Variants in SEMA3D observed in about 807,000 individuals in gnomAD.
SEMA3D encodes the protein semaphorin-3D.
In SEMA3D, 84 loss-of-function variants were observed where a neutral mutation model predicts 100.1. The observed-to-expected ratio is 0.84, with a 90% CI of 0.70 to 1.01. The LOEUF (loss-of-function observed/expected upper bound fraction) is 1.01, where lower values mean the gene tolerates loss of function less well. SEMA3D is among the 50% of genes least tolerant of loss of function. SEMA3D has a pLI of 0.00. For synonymous variants in SEMA3D, 312 were observed against 320.7 expected, an observed-to-expected ratio of 0.97 and a Z score of 0.29; for missense variants, 875 against 934.1, an observed-to-expected ratio of 0.94 and a Z score of 0.82.
At chr7:85,246,789 A>G in the SEMA3D span, among the ~76,000 whole-genome samples, 1 of 151,968 alleles carries the variant, frequency 6.6e-6, no homozygotes, top group Non-Finnish European at 1.5e-5. Flanking sequence ...TCTTTTATTC[A>G]GGACCCAGGA....
intron 1 of SEMA3D, chr7:85,159,762 G>C: frequency 3.8e-6 from 3 of 794,576 alleles, no homozygotes; most frequent in Non-Finnish European, 4.6e-6. Context: ...TAAATGATTT[G>C]ATGTAGCTGC....
chr7:85,223,304 A>AGGC, the SEMA3D span, among the ~76,000 whole-genome samples: 3 of 152,082 alleles, frequency 2.0e-5, no homozygotes, highest in East Asian at 5.8e-4. Context: ...CATTTTAATG[A>AGGC]CAATACCACA....
chr7:85,224,844 G>A, the SEMA3D span, among the ~76,000 whole-genome samples: 2 of 151,712 alleles, frequency 1.3e-5, no homozygotes, highest in African/African-American at 4.8e-5. Context: ...TGATAAGCAT[G>A]AAAATCTCAT....
At chr7:85,199,998 A>T in the SEMA3D span, among the ~76,000 whole-genome samples, 7 of 152,170 alleles carry the variant, frequency 4.6e-5, no homozygotes, top group Non-Finnish European at 1.0e-4. Flanking sequence ...TCCACGTAAG[A>T]TGTGATTTAC....
the SEMA3D span, among the ~76,000 whole-genome samples, chr7:85,193,059 A>C: frequency 2.0e-3 from 311 of 152,272 alleles, 1 homozygote; most frequent in African/African-American, 7.3e-3. Context: ...CCAGCACTTC[A>C]TCCCAACAAG....
chr7:85,160,428 C>G (rs911419277), intron 1 of SEMA3D, among the ~76,000 whole-genome samples: 2 of 151,950 alleles, frequency 1.3e-5, no homozygotes, highest in Non-Finnish European at 2.9e-5. Flanking sequence ...ACAAGAGAGA[C>G]AGAGTCATAG....
intron 17 of SEMA3D, among the ~76,000 whole-genome samples, chr7:85,011,928 TCCA>T (rs1199132697): frequency 6.6e-6 from 1 of 151,734 alleles, no homozygotes; most frequent in African/African-American, 2.4e-5. Context: ...GTGTTCTTCT[TCCA>T]CCTGTTCGTG....
chr7:85,240,886 A>C, the SEMA3D span, among the ~76,000 whole-genome samples: 1 of 150,404 alleles, frequency 6.6e-6, no homozygotes, highest in Non-Finnish European at 1.5e-5. Flanking sequence ...TCCAACCCAC[A>C]GAGTAGGAGA....
At chr7:85,033,021 AT>A (rs1320507036) in intron 12 of SEMA3D, among the ~76,000 whole-genome samples, 1 of 152,128 alleles carries the variant, frequency 6.6e-6, no homozygotes, top group Non-Finnish European at 1.5e-5. Context: ...TAAAAATTGT[AT>A]GATAAATATT....
At chr7:85,027,926 G>T in intron 12 of SEMA3D, 1 of 587,696 alleles carries the variant, frequency 1.7e-6, no homozygotes, top group South Asian at 1.4e-5. Flanking sequence ...CCAATGATCA[G>T]GGAAACCGAA....
chr7:85,249,828 T>A, the SEMA3D span, among the ~76,000 whole-genome samples: 1 of 152,174 alleles, frequency 6.6e-6, no homozygotes, highest in Admixed American at 6.5e-5. Context: ...TGTAGTAAGT[T>A]ATATAAAAAT....
chr7:85,142,720 T>C, intron 2 of SEMA3D: 6 of 984,170 alleles, frequency 6.1e-6, no homozygotes, highest in Non-Finnish European at 7.2e-6. Flanking sequence ...ATCAATGTTT[T>C]CTTTAATTTT....
the SEMA3D span, among the ~76,000 whole-genome samples, chr7:85,204,812 T>G: frequency 6.6e-6 from 1 of 152,228 alleles, no homozygotes; most frequent in South Asian, 2.1e-4. Flanking sequence ...CTGACTTCCA[T>G]TCTTTCCAAA....
In SEMA3D at chr7:85,105,787, A is replaced by G. The variant is rs892577795; in HGVS notation, c.152-7822T>C. Among the ~76,000 whole-genome samples, 9 of 152,206 alleles carry G rather than the reference A, an allele frequency of 5.9e-5. No individual in the cohort carries two copies. The South Asian group carries it at 1.4e-3, about 25-fold the overall frequency. ...TTAGAACATTACCTATATCAATAAT[A>G]AAACAGATGATATCACATAGGGAAA... On this transcript the variant is annotated intron_variant, in intron 3 of 18. Coordinates refer to ENST00000284136, the MANE Select transcript of SEMA3D (RefSeq NM_001384900.1).
At chr7:85,221,014 A>C in the SEMA3D span, among the ~76,000 whole-genome samples, 1 of 152,066 alleles carries the variant, frequency 6.6e-6, no homozygotes, top group African/African-American at 2.4e-5. Context: ...AACAGTGATG[A>C]GGGAGTCCAA....
chr7:85,241,230 A>G, the SEMA3D span, among the ~76,000 whole-genome samples: 2 of 151,900 alleles, frequency 1.3e-5, no homozygotes, highest in African/African-American at 2.4e-5. Flanking sequence ...AATGTAAACT[A>G]GTACAACCAC....
chr7:85,000,858 G>GAGT (rs1475702853), intron 18 of SEMA3D, among the ~76,000 whole-genome samples: 1 of 152,096 alleles, frequency 6.6e-6, no homozygotes, highest in Non-Finnish European at 1.5e-5. Context: ...GAGTATTGTT[G>GAGT]AGTGGTTCAG....
intron 14 of SEMA3D, among the ~76,000 whole-genome samples, chr7:85,019,748 A>C (rs1017752104): frequency 6.6e-6 from 1 of 151,468 alleles, no homozygotes; most frequent in Admixed American, 6.6e-5. Flanking sequence ...AGATCTACTA[A>C]CTCTTTTTGC....
intron 4 of SEMA3D, among the ~76,000 whole-genome samples, chr7:85,091,402 T>C (rs914760569): frequency 2.0e-5 from 3 of 151,866 alleles, no homozygotes; most frequent in East Asian, 1.9e-4. Context: ...CATTTTCATA[T>C]GGAAGGATCC....
Sources: gnomAD v4.1 joint callset for allele counts (sites outside exome capture counted in the v4.1 genomes callset) on GRCh38, gnomAD v4.1.1 for gene constraint, MANE v1.5 for transcripts, NCBI Gene and HGNC (gene_info 2026-07-23, HGNC 2026-07-21) for gene names.